The following PAPPA2 variants were observed in gnomAD, a reference collection of about 807,000 sequenced individuals.
PAPPA2 encodes the protein pappalysin 2.
A neutral mutation model predicts 176.4 loss-of-function variants in PAPPA2; 86 were observed. The ratio of observed to expected loss-of-function variants is 0.49; its 90% CI spans 0.41 to 0.58. PAPPA2 has a LOEUF of 0.58. PAPPA2 is among the 20% of genes least tolerant of loss of function. The probability of loss-of-function intolerance (pLI) is 0.00; values close to 1 mark genes in which losing one functional copy is unlikely to be tolerated. For synonymous variants in PAPPA2, 809 were observed against 852.2 expected, an observed-to-expected ratio of 0.95 and a Z score of 0.88; for missense variants, 2,073 against 2,256.9, an observed-to-expected ratio of 0.92 and a Z score of 1.65.
Position 176,842,595 on chromosome 1 carries a change from T to C in PAPPA2, c.*141T>C, listed in dbSNP as rs1667528897. 2 of 781,892 alleles carry C rather than the reference T, an allele frequency of 2.6e-6. No homozygotes were observed. The allele number at this position is 781,892 out of a possible 1,614,324, so 48.4% of individuals were successfully genotyped here. On this transcript the variant is annotated 3_prime_UTR_variant, in exon 23 of 23. Transcript: ENST00000367662. ...AGAGCATGAAGGATCTTATAAGAAA[T>C]GCAAGAGGATATTGATAGGTGTGAA...
intron 3 of PAPPA2, among the ~76,000 whole-genome samples, chr1:176,654,507 G>A (rs1162802515): frequency 2.0e-5 from 3 of 150,014 alleles, no homozygotes; most frequent in Non-Finnish European, 4.4e-5. Context: ...ATAATTTTAA[G>A]TCAGGTAATG....
At chr1:176,676,724 A>G (rs932704486) in intron 4 of PAPPA2, among the ~76,000 whole-genome samples, 2 of 142,714 alleles carry the variant, frequency 1.4e-5, no homozygotes, top group Non-Finnish European at 3.1e-5. Context: ...GATAAATTGC[A>G]TACAACTACA....
At chr1:176,778,968 T>C (rs548742339) in intron 17 of PAPPA2, among the ~76,000 whole-genome samples, 49 of 152,282 alleles carry the variant, frequency 3.2e-4, no homozygotes, top group African/African-American at 1.1e-3. Context: ...GCCATTCACA[T>C]ACACACCTGG....
chr1:176,552,488 C>T (rs1422267989), intron 1 of PAPPA2, among the ~76,000 whole-genome samples: 1 of 151,418 alleles, frequency 6.6e-6, no homozygotes, highest in Non-Finnish European at 1.5e-5. Flanking sequence ...CCTCGCTTTC[C>T]TCTTTTCCCT....
chr1:176,773,858 A>G (rs1664337052), intron 17 of PAPPA2, among the ~76,000 whole-genome samples: 1 of 152,134 alleles, frequency 6.6e-6, no homozygotes, highest in African/African-American at 2.4e-5. Context: ...AAGAATGATA[A>G]GTGCTGGATT....
At chr1:176,764,788 G>T (rs921297383) in intron 14 of PAPPA2, among the ~76,000 whole-genome samples, 5 of 152,076 alleles carry the variant, frequency 3.3e-5, no homozygotes, top group African/African-American at 1.2e-4. Context: ...AGTAGAGATG[G>T]GGTTTCACCG....
chr1:176,532,052 A>G (rs1179902493), intron 1 of PAPPA2, among the ~76,000 whole-genome samples: 6 of 152,230 alleles, frequency 3.9e-5, no homozygotes, highest in Admixed American at 1.3e-4. Flanking sequence ...TTTTCAGTCC[A>G]TAAACCAGCA....
At chr1:176,528,440 A>C (rs1649612543) in intron 1 of PAPPA2, among the ~76,000 whole-genome samples, 1 of 152,230 alleles carries the variant, frequency 6.6e-6, no homozygotes, top group African/African-American at 2.4e-5. Flanking sequence ...AATTCATATC[A>C]GCTTCAAAAG....
chr1:176,769,954 C>T (rs1664150656), intron 16 of PAPPA2, among the ~76,000 whole-genome samples, 170 bp downstream of exon 16: 2 of 152,134 alleles, frequency 1.3e-5, no homozygotes, highest in South Asian at 4.1e-4. Context: ...CTCTTTGTCC[C>T]CAACTACTTG....
intron 1 of PAPPA2, among the ~76,000 whole-genome samples, chr1:176,463,705 G>C (rs1390461873): frequency 6.6e-6 from 1 of 152,170 alleles, no homozygotes; most frequent in African/African-American, 2.4e-5. Flanking sequence ...TTGGCTGCCT[G>C]GTCTTCTTTT....
intron 21 of PAPPA2, among the ~76,000 whole-genome samples, chr1:176,821,370 A>C (rs1300887609): frequency 6.6e-6 from 1 of 152,198 alleles, no homozygotes; most frequent in East Asian, 1.9e-4. Context: ...TTTGAAGTAG[A>C]TTTGAAGCAT....
intron 1 of PAPPA2, among the ~76,000 whole-genome samples, chr1:176,489,533 C>A (rs1017104119): frequency 2.6e-5 from 4 of 152,184 alleles, no homozygotes; most frequent in Non-Finnish European, 5.9e-5. Context: ...TGCCTGAAAT[C>A]TGCAGCAGCT....
chr1:176,765,897 T>G, intron 15 of PAPPA2, 60 bp downstream of exon 15: 1 of 1,569,548 alleles, frequency 6.4e-7, no homozygotes. Flanking sequence ...GTATTCACAC[T>G]CTTCTCTCTG....
chr1:176,818,114 G>C (rs1429836309), intron 21 of PAPPA2, among the ~76,000 whole-genome samples: 3 of 152,150 alleles, frequency 2.0e-5, no homozygotes, highest in Non-Finnish European at 4.4e-5. Flanking sequence ...AAATGGTGAA[G>C]AGTGTTAAAT....
intron 2 of PAPPA2, among the ~76,000 whole-genome samples, chr1:176,571,767 T>C (rs376476702): frequency 1.5e-4 from 23 of 152,376 alleles, no homozygotes; most frequent in African/African-American, 5.3e-4. Context: ...CAACTAACTA[T>C]AATATTTTAG....
intron 17 of PAPPA2, among the ~76,000 whole-genome samples, chr1:176,779,897 G>A (rs78736898): frequency 0.067 from 10,249 of 152,154 alleles, 470 homozygotes; most frequent in South Asian, 0.15. Context: ...CATGACTTCC[G>A]ATTCTCCCTT....
intron 3 of PAPPA2, among the ~76,000 whole-genome samples, chr1:176,650,946 A>G (rs1393163258): frequency 6.6e-6 from 1 of 151,760 alleles, no homozygotes; most frequent in Non-Finnish European, 1.5e-5. Context: ...TAAAGAGATG[A>G]CACCTTAGAT....
chr1:176,816,617 T>G (rs1666417384), intron 21 of PAPPA2, among the ~76,000 whole-genome samples: 1 of 152,010 alleles, frequency 6.6e-6, no homozygotes, highest in Admixed American at 6.6e-5. Flanking sequence ...TTTTTATGAG[T>G]TCATGCCTTT....
intron 1 of PAPPA2, among the ~76,000 whole-genome samples, chr1:176,537,139 T>G (rs1313081152): frequency 6.6e-6 from 1 of 152,220 alleles, no homozygotes; most frequent in Non-Finnish European, 1.5e-5. Flanking sequence ...TAAAGGAAAC[T>G]TTCTTTATAG....
Sources: gnomAD v4.1 joint callset for allele counts (sites outside exome capture counted in the v4.1 genomes callset) on GRCh38, gnomAD v4.1.1 for gene constraint, MANE v1.5 for transcripts, NCBI Gene and HGNC (gene_info 2026-07-23, HGNC 2026-07-21) for gene names.